Variants in OTOGL observed in about 807,000 individuals in gnomAD.
OTOGL encodes the protein otogelin like.
OTOGL carries 285 observed loss-of-function variants against 318.5 expected under a neutral mutation model. The observed-to-expected ratio is 0.89, with a 90% confidence interval of 0.81 to 0.99. The LOEUF (loss-of-function observed/expected upper bound fraction) is 0.99. Ranked by LOEUF, OTOGL falls within the 50% of genes least tolerant of loss-of-function variation. The probability of loss-of-function intolerance (pLI) is 0.00; values close to 1 mark genes in which losing one functional copy is unlikely to be tolerated. For synonymous variants in OTOGL, 987 were observed against 936.5 expected (o/e 1.05, Z -0.99); for missense variants, 2,899 against 2,845.6 (o/e 1.02, Z -0.43).
intron 1 of OTOGL, among the ~76,000 whole-genome samples, chr12:80,196,402 A>G (rs1446481996): frequency 1.3e-5 from 2 of 152,212 alleles, no homozygotes; most frequent in East Asian, 1.9e-4. Flanking sequence ...ACGCTACACT[A>G]AGATGTACAA....
chr12:80,345,775 A>G (rs1043176219), intron 44 of OTOGL, among the ~76,000 whole-genome samples: 2 of 152,120 alleles, frequency 1.3e-5, no homozygotes, highest in African/African-American at 4.8e-5. Context: ...GTACTTTCAG[A>G]CTCTCAAGTA....
intron 42 of OTOGL, 109 bp downstream of exon 42, chr12:80,337,113 T>G: frequency 1.3e-6 from 1 of 778,604 alleles, no homozygotes. Flanking sequence ...ATTTAATTGT[T>G]ATATATAGTA....
intron 1 of OTOGL, among the ~76,000 whole-genome samples, chr12:80,194,220 A>G (rs1173519409): frequency 6.6e-6 from 1 of 152,258 alleles, no homozygotes; most frequent in Non-Finnish European, 1.5e-5. Context: ...AATATGAAAC[A>G]GTTGGAATTC....
intron 26 of OTOGL, among the ~76,000 whole-genome samples, chr12:80,281,547 A>T (rs1884237758): frequency 6.6e-6 from 1 of 151,952 alleles, no homozygotes. Context: ...AATAAAGTCT[A>T]CTTGATTGTG....
At chr12:80,333,128 C>A in intron 38 of OTOGL, 50 bp downstream of exon 38, 1 of 1,475,278 alleles carries the variant, frequency 6.8e-7, no homozygotes, top group Non-Finnish European at 9.3e-7. Context: ...ATATATCATC[C>A]ATTCAAATTT....
At chr12:80,174,189 A>G (rs1874383065) in intron 1 of OTOGL, among the ~76,000 whole-genome samples, 1 of 152,184 alleles carries the variant, frequency 6.6e-6, no homozygotes, top group South Asian at 2.1e-4. Context: ...AGATTTTTAC[A>G]TTACCCATCC....
intron 26 of OTOGL, among the ~76,000 whole-genome samples, chr12:80,289,023 C>T (rs1364030137): frequency 1.3e-5 from 2 of 152,140 alleles, no homozygotes; most frequent in East Asian, 3.9e-4. Context: ...CGTTTTTGCT[C>T]TTCTTCGTGG....
At chr12:80,376,987 T>G in intron 57 of OTOGL, 136 bp from the exon 58 acceptor site, 1 of 521,122 alleles carries the variant, frequency 1.9e-6, no homozygotes. Flanking sequence ...AGAGAGAAGT[T>G]TTAAATATCT....
At chr12:80,231,821 T>C (rs1053491137) in intron 8 of OTOGL, among the ~76,000 whole-genome samples, 1 of 150,538 alleles carries the variant, frequency 6.6e-6, no homozygotes, top group Non-Finnish European at 1.5e-5. Flanking sequence ...TTTTTTGAAG[T>C]AGAGACGGGG....
intron 1 of OTOGL, among the ~76,000 whole-genome samples, chr12:80,146,629 A>T (rs1470475003): frequency 1.3e-5 from 2 of 151,910 alleles, no homozygotes; most frequent in Non-Finnish European, 2.9e-5. Flanking sequence ...TTTCAGAAGG[A>T]ATGGTATCAG....
At chr12:80,292,129 C>T (rs1254424475) in intron 26 of OTOGL, among the ~76,000 whole-genome samples, 1 of 152,086 alleles carries the variant, frequency 6.6e-6, no homozygotes, top group Non-Finnish European at 1.5e-5. Context: ...GCTGGGATTA[C>T]AGGCATGCGC....
chr12:80,336,738 GAAT>G, intron 40 of OTOGL, 56 bp from the exon 41 acceptor site: 8 of 1,452,014 alleles, frequency 5.5e-6, no homozygotes, highest in Non-Finnish European at 7.5e-6. Flanking sequence ...ATATAAATCC[GAAT>G]AATGTTTTAA....
chr12:80,212,707 G>C (rs1308490421), intron 4 of OTOGL, among the ~76,000 whole-genome samples: 2 of 152,194 alleles, frequency 1.3e-5, no homozygotes, highest in African/African-American at 4.8e-5. Context: ...TTATGTAGCA[G>C]ACAGCTTGAA....
chr12:80,101,241 A>G (rs1263445207), intron 1 of OTOGL, among the ~76,000 whole-genome samples: 3 of 152,220 alleles, frequency 2.0e-5, no homozygotes, highest in Non-Finnish European at 2.9e-5. Flanking sequence ...AAGAGTTCAA[A>G]TACAATGGTG....
chr12:80,330,860 G>A (rs1346516150), intron 37 of OTOGL, among the ~76,000 whole-genome samples: 1 of 152,138 alleles, frequency 6.6e-6, no homozygotes, highest in Non-Finnish European at 1.5e-5. Context: ...ATGAAATAAA[G>A]AAAACAATTG....
In OTOGL at chr12:80,220,612, CTTT is replaced by C. The variant is rs34021968; in HGVS notation, c.334+714_334+716del. Among the ~76,000 whole-genome samples the C allele has an allele frequency of 8.6e-4, 102 of 118,996 alleles. 9 individuals carry two copies. Among genetic ancestry groups the C allele is most frequent in the African/African-American group, 3.3e-3 (96 of 29,306 alleles). The allele number at this position is 118,996 out of a possible 152,430, so 78.1% of individuals were successfully genotyped here. ...ACTGAGACTTCTTCGAGGGCAAGGGCTTTTTTTTTTTTTTTTAAATCTTTTATC... is the reference window on the plus strand; with the variant it reads ...ACTGAGACTTCTTCGAGGGCAAGGGCTTTTTTTTTTTTTAAATCTTTTATC... On this transcript the variant is annotated intron_variant, in intron 6 of 58. Transcript: ENST00000547103.
intron 35 of OTOGL, 104 bp from the exon 36 acceptor site, chr12:80,328,561 A>G (rs188160316): frequency 3.6e-4 from 312 of 877,448 alleles, no homozygotes; most frequent in Non-Finnish European, 5.3e-4. Flanking sequence ...ATATAGAAGC[A>G]TTTTAGGAAG....
intron 1 of OTOGL, among the ~76,000 whole-genome samples, chr12:80,169,660 A>T (rs1326415762): frequency 6.6e-6 from 1 of 152,118 alleles, no homozygotes; most frequent in East Asian, 1.9e-4. Context: ...TTTCCTTTTG[A>T]TGTTCCTTTG....
chr12:80,309,422 G>A (rs1264530640), intron 29 of OTOGL, among the ~76,000 whole-genome samples: 1 of 152,150 alleles, frequency 6.6e-6, no homozygotes, highest in African/African-American at 2.4e-5. Flanking sequence ...AATTTAACAG[G>A]GAAAGGAGGG....
Sources: allele counts gnomAD v4.1 joint callset (sites outside exome capture counted in the v4.1 genomes callset), GRCh38; gene constraint gnomAD v4.1.1; transcripts MANE v1.5; gene names NCBI Gene and HGNC (gene_info 2026-07-23, HGNC 2026-07-21).